The following ZFP69 variants were observed in gnomAD, a reference collection of about 807,000 sequenced individuals.
The protein encoded by ZFP69 is ZFP69 zinc finger protein.
Under a neutral mutation model 48.9 loss-of-function variants are expected in ZFP69, and 35 were observed. The ratio of observed to expected loss-of-function variants is 0.72; its 90% CI spans 0.55 to 0.95. The LOEUF is 0.95. Ranked by LOEUF, ZFP69 falls within the 40% of genes least tolerant of loss-of-function variation. The probability of loss-of-function intolerance (pLI) is 0.00; values close to 1 mark genes in which losing one functional copy is unlikely to be tolerated. For missense variants in ZFP69, 557 were observed against 638.4 expected (o/e 0.87, Z 1.37); for synonymous variants, 193 against 216.8 (o/e 0.89, Z 0.96).
chr1:40,494,005 TATATA>T (rs1645595729), intron 5 of ZFP69, among the ~76,000 whole-genome samples: 1 of 151,734 alleles, frequency 6.6e-6, no homozygotes, highest in African/African-American at 2.4e-5. Context: ...GAAAGAGAAA[TATATA>T]TATATACACA....
At chr1:40,479,590 T>A in intron 2 of ZFP69, 102 bp downstream of exon 2, 2 of 1,368,464 alleles carry the variant, frequency 1.5e-6, no homozygotes, top group Non-Finnish European at 1.9e-6. Context: ...AGAGAAGGTC[T>A]CTGGGGGTTC....
chr1:40,482,444 G>A (rs1012059552), intron 3 of ZFP69, among the ~76,000 whole-genome samples: 11 of 152,006 alleles, frequency 7.2e-5, no homozygotes, highest in Admixed American at 6.6e-5. Flanking sequence ...ACTGCCTATC[G>A]GAAACAGAGA....
chr1:40,483,436 T>G (rs1181520445), intron 3 of ZFP69, among the ~76,000 whole-genome samples: 1 of 151,960 alleles, frequency 6.6e-6, no homozygotes, highest in Non-Finnish European at 1.5e-5. Context: ...TACTATGTTG[T>G]CCAACTGGTC....
In ZFP69 at chr1:40,495,628, A is replaced by T; in HGVS notation, c.1150A>T (p.Thr384Ser). Residue 384 changes from threonine (T) to serine (S), a missense_variant, in exon 6 of 6, where the codon ACT (threonine) becomes TCT (serine). By Grantham distance (58) the Thr-to-Ser change is moderately conservative. Coordinates refer to ENST00000372706, the MANE Select transcript of ZFP69 (RefSeq NM_001320179.2). Reference protein sequence around the residue: ...LRTHSGEKPFTCNECGKTFRQ... With the variant: ...LRTHSGEKPFSCNECGKTFRQ... ...GACTCATTCTGGAGAGAAACCTTTTACTTGCAATGAATGTGGGAAAACCTT... is the reference window on the plus strand; with the variant it reads ...GACTCATTCTGGAGAGAAACCTTTTTCTTGCAATGAATGTGGGAAAACCTT... 5.0e-6 allele frequency: 8 copies of T among 1,614,228 alleles called. No individual in the cohort carries two copies. The highest frequency in any genetic ancestry group is 6.8e-6 in the Non-Finnish European group (8 of 1,180,036).
At chr1:40,488,138 A>G (rs2124452018) in intron 3 of ZFP69, among the ~76,000 whole-genome samples, 1 of 149,770 alleles carries the variant, frequency 6.7e-6, no homozygotes, top group African/African-American at 2.5e-5. Flanking sequence ...GCATGTGTAT[A>G]TACATACATA....
rs759889298 is a variant in ZFP69 at position 40,495,035 on chromosome 1, C to T, written c.557C>T (p.Ser186Phe). ...TTCATGAGGGATGATATAATTTATT[C>T]CACGTTGAGAAAAGTCTCCACATAT... The part of the protein sequence containing the change: ...ESFMRDDIIY[S>F]TLRKVSTYDD... Residue 186 changes from serine to phenylalanine, a missense_variant, in exon 6 of 6, where the codon TCC becomes TTC. Ser to Phe is a radical substitution (Grantham distance 155). Transcript: ENST00000372706. 3 of 1,613,954 alleles carry T rather than the reference C, an allele frequency of 1.9e-6. No individual in the cohort carries two copies. In the South Asian group the frequency reaches 3.3e-5, roughly 18 times the overall value.
At chr1:40,480,930 G>A (rs187724625) in intron 2 of ZFP69, among the ~76,000 whole-genome samples, 1 of 152,246 alleles carries the variant, frequency 6.6e-6, no homozygotes, top group African/African-American at 2.4e-5. Context: ...GACTTCAAGG[G>A]TTTCATCGAA....
In ZFP69 at chr1:40,495,058, TATG is replaced by T; in HGVS notation, c.587_589del (p.Asp196del). ...TTCCACGTTGAGAAAAGTCTCCACA[TATG>T]ATGATGTCTTAGAAAGGCACCAGGA... On this transcript the variant is annotated inframe_deletion, in exon 6 of 6. Coordinates refer to ENST00000372706, the MANE Select transcript of ZFP69 (RefSeq NM_001320179.2). 1 of 1,614,062 alleles carries T rather than the reference TATG, an allele frequency of 6.2e-7. No individual in the cohort carries two copies. Among genetic ancestry groups the T allele is most frequent in the Non-Finnish European group, 8.5e-7 (1 of 1,180,014 alleles).
intron 3 of ZFP69, among the ~76,000 whole-genome samples, chr1:40,488,862 A>G (rs1645533292): frequency 6.6e-6 from 1 of 151,760 alleles, no homozygotes; most frequent in African/African-American, 2.4e-5. Context: ...GTCTTTCTAT[A>G]TATTACATTA....
chr1:40,495,382 AAG>A lies in ZFP69; in HGVS notation c.905_906del (p.Lys302ArgfsTer7), dbSNP rs776318377. 1 of 1,614,200 alleles carries A rather than the reference AAG, an allele frequency of 6.2e-7. No homozygotes were observed. Among genetic ancestry groups the A allele is most frequent in the South Asian group, 1.1e-5 (1 of 91,086 alleles). The part of the protein sequence containing the change: ...IHTGEKPFRC[K>X]ECGRAFSQSA... Reference sequence around the variant, plus strand: ...TACTGGTGAGAAACCTTTCAGATGTAAGGAATGTGGAAGGGCCTTTAGTCAAA... The same window carrying A: ...TACTGGTGAGAAACCTTTCAGATGTAGAATGTGGAAGGGCCTTTAGTCAAA... On this transcript the variant is annotated frameshift_variant, in exon 6 of 6. Transcript: ENST00000372706. LOFTEE classifies it high-confidence loss of function.
chr1:40,495,425 C>G lies in ZFP69; in HGVS notation c.947C>G (p.Thr316Arg), dbSNP rs778618803. The G allele has an allele frequency of 6.2e-7, 1 of 1,614,070 alleles. No homozygotes were observed. The highest frequency in any genetic ancestry group is 1.1e-5 in the South Asian group (1 of 91,078). ...RAFSQSASLS[T>R]HQRIHTGEKP... ...TTTAGTCAAAGTGCATCCCTCAGTA[C>G]ACACCAGAGAATCCATACTGGTGAG... The change falls in exon 6 of 6, where the codon ACA (threonine) becomes AGA (arginine). Residue 316 changes from threonine to arginine, a missense_variant. By Grantham distance (71) the Thr-to-Arg change is moderately conservative. Coordinates refer to ENST00000372706, the MANE Select transcript of ZFP69 (RefSeq NM_001320179.2).
In ZFP69 at chr1:40,483,658, C is replaced by T. The variant is rs117693194; in HGVS notation, c.219+1804C>T. 2.1e-4 allele frequency among the ~76,000 whole-genome samples: 32 copies of T among 152,164 alleles called. No individual in the cohort carries two copies. In the East Asian group the frequency reaches 4.6e-3, roughly 22 times the overall value. ...AAAATTCCAGATAAGTAGAATGTAG[C>T]GATAACTCTTCAGACTATTATCGTT... On this transcript the variant is annotated intron_variant, in intron 3 of 5. Transcript: ENST00000372706.
At position 40,479,261 on chromosome 1, in the gene ZFP69, T is replaced by A. The variant is rs569510626; in HGVS notation, c.-101T>A. On this transcript the variant is annotated 5_prime_UTR_variant, in exon 2 of 6. Coordinates refer to ENST00000372706, the MANE Select transcript of ZFP69 (RefSeq NM_001320179.2). ...GACACACCAGAGTCCTGAGGGCAGG[T>A]GATTGGAATCTGAGCAACACCCCAC... 6.5e-7 allele frequency: 1 copy of A among 1,537,308 alleles called. No individual in the cohort carries two copies. Among genetic ancestry groups the A allele is most frequent in the Non-Finnish European group, 8.9e-7 (1 of 1,120,340 alleles).
chr1:40,486,464 TCCCTCCTTTCTTCCTCC>T (rs1645500166), intron 3 of ZFP69, among the ~76,000 whole-genome samples: 1 of 44,292 alleles, frequency 2.3e-5, no homozygotes, highest in Admixed American at 4.4e-4. Flanking sequence ...CATCCCTCCC[TCCCTCCTTTCTTCCTCC>T]CTCCCTCCCT....
intron 5 of ZFP69, among the ~76,000 whole-genome samples, chr1:40,491,785 G>GTGTA (rs1553129570): frequency 0.035 from 5,178 of 148,728 alleles, 172 homozygotes; most frequent in African/African-American, 0.088. Context: ...GTGTGTGTGT[G>GTGTA]TATATATATA....
chr1:40,495,873 A>G lies in ZFP69; in HGVS notation c.1395A>G (p.Lys465=), dbSNP rs146654077. 5.0e-6 allele frequency: 8 copies of G among 1,614,112 alleles called. No individual in the cohort carries two copies. In the African/African-American group the frequency reaches 1.1e-4, roughly 22 times the overall value. The change falls in exon 6 of 6, where the codon AAA becomes AAG. Residue 465 remains lysine (K), a synonymous_variant. Coordinates refer to ENST00000372706, the MANE Select transcript of ZFP69 (RefSeq NM_001320179.2). The stretch of plus-strand genomic sequence containing the variant: ...ATAAAACTGTTCATACAGGAGTGAA[A>G]GCATATGAATGCAACCGCTGTGGAA... ...SNHKTVHTGV[K]AYECNRCGKA...
At chr1:40,492,029 CT>C (rs774866450) in intron 5 of ZFP69, among the ~76,000 whole-genome samples, 4 of 151,724 alleles carry the variant, frequency 2.6e-5, no homozygotes, top group Non-Finnish European at 4.4e-5. Context: ...TTTTTGTAAA[CT>C]TTTTAAATTG....
intron 1 of ZFP69, among the ~76,000 whole-genome samples, 195 bp downstream of exon 1, chr1:40,478,089 T>G (rs1435395999): frequency 2.6e-5 from 4 of 151,294 alleles, no homozygotes; most frequent in Non-Finnish European, 5.9e-5. Flanking sequence ...CTCCAATTCC[T>G]AGAACACACG....
intron 3 of ZFP69, among the ~76,000 whole-genome samples, chr1:40,484,667 A>G (rs1570022405): frequency 1.4e-5 from 2 of 145,944 alleles, no homozygotes; most frequent in South Asian, 4.3e-4. Flanking sequence ...TGCAACCTCT[A>G]CGTCCTGGGT....
Sources: gnomAD v4.1 joint callset for allele counts (sites outside exome capture counted in the v4.1 genomes callset) on GRCh38, gnomAD v4.1.1 for gene constraint, MANE v1.5 for transcripts, NCBI Gene and HGNC (gene_info 2026-07-23, HGNC 2026-07-21) for gene names.